VPS13B: variants seen among roughly 807,000 people sequenced by gnomAD.
VPS13B encodes the protein vacuolar protein sorting 13 homolog B.
In VPS13B, 285 loss-of-function variants were observed where a neutral mutation model predicts 426.4. The ratio of observed to expected loss-of-function variants is 0.67; its 90% CI spans 0.61 to 0.74. The LOEUF (loss-of-function observed/expected upper bound fraction) is 0.74, where lower values mean the gene tolerates loss of function less well. VPS13B is among the 30% of genes least tolerant of loss of function. The probability of loss-of-function intolerance (pLI) is 0.00; values close to 1 mark genes in which losing one functional copy is unlikely to be tolerated. For missense variants in VPS13B, 4,537 were observed against 4,782.6 expected (o/e 0.95, Z 1.51); for synonymous variants, 1,676 against 1,676.4 (o/e 1.00, Z 0.01).
chr8:99,201,645 C>T (rs1040914439), intron 17 of VPS13B, among the ~76,000 whole-genome samples: 3 of 152,072 alleles, frequency 2.0e-5, no homozygotes, highest in African/African-American at 7.2e-5. Context: ...AATCCTTCCT[C>T]AGCTCTTGCA....
chr8:99,147,677 C>G (rs192953485), intron 13 of VPS13B, among the ~76,000 whole-genome samples, 164 bp from the exon 14 acceptor site: 204 of 152,186 alleles, frequency 1.3e-3, no homozygotes, highest in African/African-American at 4.8e-3. Flanking sequence ...GAGAATAGTG[C>G]AACTTATATT....
intron 35 of VPS13B, among the ~76,000 whole-genome samples, chr8:99,698,585 C>T (rs1045965673): frequency 6.6e-6 from 1 of 152,158 alleles, no homozygotes; most frequent in Non-Finnish European, 1.5e-5. Flanking sequence ...CTTTGCTAGT[C>T]CTAGCTTCAT....
rs945817597 is a variant in VPS13B at position 99,288,792 on chromosome 8, A to G, written c.2824+13538A>G. ...ACTATCAGGTATAGTACAAATCAAA[A>G]GAACCTTCAATGACTTATGATCCAG... On this transcript the variant is annotated intron_variant, in intron 19 of 61. Coordinates refer to ENST00000357162, the MANE Select transcript of VPS13B (RefSeq NM_152564.5). 5.9e-5 allele frequency among the ~76,000 whole-genome samples: 9 copies of G among 152,160 alleles called. 1 individual carries two copies. The highest frequency in any genetic ancestry group is 1.3e-4 in the Admixed American group (2 of 15,246).
intron 14 of VPS13B, 43 bp downstream of exon 14, chr8:99,148,053 G>GTTT: frequency 6.7e-7 from 1 of 1,494,390 alleles, no homozygotes; most frequent in Non-Finnish European, 9.1e-7. Context: ...CTCATATATG[G>GTTT]ATTTTTTTTT....
At position 99,172,292 on chromosome 8, in the gene VPS13B, G is replaced by T. The variant is rs568723562; in HGVS notation, c.2333+2129G>T. ...TTTGGAAGTTTGGAGTATAGAAATAGTATATTGGCTTAGAAAGTCATGGAA... is the reference window on the plus strand; with the variant it reads ...TTTGGAAGTTTGGAGTATAGAAATATTATATTGGCTTAGAAAGTCATGGAA... On this transcript the variant is annotated intron_variant, in intron 16 of 61. Coordinates refer to ENST00000357162, the MANE Select transcript of VPS13B (RefSeq NM_152564.5). Among the ~76,000 whole-genome samples, 11 of 152,226 alleles carry T rather than the reference G, an allele frequency of 7.2e-5. No homozygotes were observed. The South Asian group carries it at 1.9e-3, about 26-fold the overall frequency.
At position 99,192,876 on chromosome 8, in the gene VPS13B, G is replaced by A. The variant is rs2132727940; in HGVS notation, c.2334G>A (p.Trp778Ter). The A allele has an allele frequency of 6.2e-7, 1 of 1,612,606 alleles. No homozygotes were observed. Among genetic ancestry groups the A allele is most frequent in the Non-Finnish European group, 8.5e-7 (1 of 1,179,670 alleles). ...CGATTCTTTCTGTTTTCTTGTGCAG[G>A]ACCAAAAGATCTCAGATTGCTATAA... ...YGKLLKLPTC[W>*]TKRSQIAITE... Residue 778 changes from tryptophan to a stop codon, truncating the protein, a stop_gained and splice_region_variant, in exon 17 of 62, where the codon TGG becomes TGA. Coordinates refer to ENST00000357162, the MANE Select transcript of VPS13B (RefSeq NM_152564.5). LOFTEE classifies it high-confidence loss of function.
intron 2 of VPS13B, among the ~76,000 whole-genome samples, chr8:99,036,466 A>T (rs1281047680): frequency 1.3e-5 from 2 of 152,174 alleles, no homozygotes; most frequent in African/African-American, 4.8e-5. Context: ...TCCATTTGTT[A>T]TAACAATCAT....
At chr8:99,647,681 A>G (rs754446105) in intron 34 of VPS13B, among the ~76,000 whole-genome samples, 1 of 152,032 alleles carries the variant, frequency 6.6e-6, no homozygotes, top group Non-Finnish European at 1.5e-5. Context: ...CTAATAATTT[A>G]TTTATCTCAT....
In VPS13B at chr8:99,865,976, C is replaced by T. The variant is rs115448081; in HGVS notation, c.11216-2313C>T. Among the ~76,000 whole-genome samples, 1,023 of 152,310 alleles carry T rather than the reference C, an allele frequency of 6.7e-3. 8 individuals carry two copies. Among genetic ancestry groups the T allele is most frequent in the African/African-American group, 0.024 (983 of 41,560 alleles). On this transcript the variant is annotated intron_variant, in intron 58 of 61. Transcript: ENST00000357162. ...TTCCTGCTCCACAATGAAGGCTTTC[C>T]TCCTCCTGCGCCTTCCAAGGCACAA...
intron 21 of VPS13B, among the ~76,000 whole-genome samples, chr8:99,397,513 G>A (rs559082423): frequency 5.3e-5 from 8 of 152,158 alleles, no homozygotes; most frequent in Middle Eastern, 3.4e-3. Flanking sequence ...AATTTATGCC[G>A]AAGTTTAATA....
chr8:99,205,518 G>A (rs544368742), intron 17 of VPS13B, among the ~76,000 whole-genome samples: 54 of 151,970 alleles, frequency 3.6e-4, no homozygotes, highest in African/African-American at 1.1e-3. Flanking sequence ...ATAAAAACAC[G>A]AAACTTATAC....
chr8:99,752,947 G>A (rs886255360), intron 39 of VPS13B, among the ~76,000 whole-genome samples: 2 of 152,130 alleles, frequency 1.3e-5, no homozygotes, highest in Non-Finnish European at 1.5e-5. Flanking sequence ...ACTGAAATAC[G>A]GGAGTCAGTA....
At chr8:99,589,889 T>C (rs955367740) in intron 33 of VPS13B, among the ~76,000 whole-genome samples, 2 of 152,186 alleles carry the variant, frequency 1.3e-5, no homozygotes, top group Non-Finnish European at 1.5e-5. Flanking sequence ...TTTCTATTGA[T>C]TGGAATAGTT....
chr8:99,420,575 A>G lies in VPS13B; in HGVS notation c.3083-10962A>G, dbSNP rs984147404. Among the ~76,000 whole-genome samples, 5 of 152,200 alleles carry G rather than the reference A, an allele frequency of 3.3e-5. No homozygotes were observed. The South Asian group carries it at 1.0e-3, about 31-fold the overall frequency. ...GTGGCATGTTAATAAATATGTATAT[A>G]AAGATTATTTCTCATTGGAAGAATA... On this transcript the variant is annotated intron_variant, in intron 21 of 61. Coordinates refer to ENST00000357162, the MANE Select transcript of VPS13B (RefSeq NM_152564.5).
chr8:99,021,805 G>A lies in VPS13B; in HGVS notation c.147+7870G>A, dbSNP rs367626431. On this transcript the variant is annotated intron_variant, in intron 2 of 61. Transcript: ENST00000357162. ...TTTTTATACTTTTTGTAGAGACGAG[G>A]TCTCACGATGTTTCCCAGGCCAGTC... Among the ~76,000 whole-genome samples, 4 of 152,158 alleles carry A rather than the reference G, an allele frequency of 2.6e-5. No individual in the cohort carries two copies. The East Asian group carries it at 5.8e-4, about 22-fold the overall frequency.
chr8:99,604,667 T>A (rs989983492), intron 33 of VPS13B, among the ~76,000 whole-genome samples: 2 of 151,204 alleles, frequency 1.3e-5, no homozygotes, highest in Non-Finnish European at 3.0e-5. Context: ...GCCCGGCTAA[T>A]TTTTTTTTGT....
At chr8:99,271,738 A>G (rs1049108136) in intron 17 of VPS13B, among the ~76,000 whole-genome samples, 4 of 152,194 alleles carry the variant, frequency 2.6e-5, no homozygotes, top group Admixed American at 1.3e-4. Flanking sequence ...AGGAGAGAGA[A>G]TTGCCAACGA....
intron 17 of VPS13B, among the ~76,000 whole-genome samples, chr8:99,235,181 A>G (rs986774625): frequency 6.6e-6 from 1 of 152,190 alleles, no homozygotes; most frequent in African/African-American, 2.4e-5. Context: ...TCCCACATCT[A>G]TTTCAGTTGG....
chr8:99,070,660 A>T (rs1310606304), intron 3 of VPS13B, among the ~76,000 whole-genome samples: 1 of 152,018 alleles, frequency 6.6e-6, no homozygotes, highest in Non-Finnish European at 1.5e-5. Context: ...TGTCTACATT[A>T]CCTTCTTTTC....
Sources: gnomAD v4.1 joint callset for allele counts (sites outside exome capture counted in the v4.1 genomes callset) on GRCh38, gnomAD v4.1.1 for gene constraint, MANE v1.5 for transcripts, NCBI Gene and HGNC (gene_info 2026-07-23, HGNC 2026-07-21) for gene names.